SSBP2: variants seen among roughly 807,000 people sequenced by gnomAD.
The protein encoded by SSBP2 is single stranded DNA binding protein 2, also known as single-stranded DNA-binding protein 2.
In SSBP2, 17 loss-of-function variants were observed where a neutral mutation model predicts 61.8. That is an observed-to-expected ratio of 0.28 (90% CI 0.19 to 0.41). SSBP2 has a LOEUF of 0.41. Among genes scored for constraint, SSBP2 ranks in the 10% least tolerant of loss-of-function variants. SSBP2 has a pLI of 1.00. For synonymous variants in SSBP2, 139 were observed against 141.3 expected, an observed-to-expected ratio of 0.98 and a Z score of 0.12; for missense variants, 310 against 458.7, an observed-to-expected ratio of 0.68 and a Z score of 2.96.
In SSBP2 at chr5:81,418,903, T is replaced by C. The variant is rs77349600; in HGVS notation, c.*1601A>G. On this transcript the variant is annotated 3_prime_UTR_variant, in exon 17 of 17. Transcript: ENST00000320672. ...TATAAGCCTAAAGGAAAGAGAAGAT[T>C]CCTCTTACCTGCAATTAAACAATGC... The C allele has an allele frequency of 6.6e-4, 100 of 152,314 alleles. 2 individuals are homozygous for C. Among genetic ancestry groups the C allele is most frequent in the African/African-American group, 2.3e-3 (96 of 41,578 alleles). The allele number at this position is 152,314 out of a possible 1,614,324, so 9.4% of individuals were successfully genotyped here.
At chr5:81,649,547 C>T (rs1007254625) in intron 2 of SSBP2, among the ~76,000 whole-genome samples, 22 of 152,066 alleles carry the variant, frequency 1.4e-4, no homozygotes, top group Non-Finnish European at 2.8e-4. Flanking sequence ...TGCACATTCT[C>T]ACTTAGAAGT....
intron 4 of SSBP2, among the ~76,000 whole-genome samples, chr5:81,592,984 G>A (rs1199414618): frequency 6.6e-6 from 1 of 152,182 alleles, no homozygotes; most frequent in African/African-American, 2.4e-5. Flanking sequence ...GAACAAAGCT[G>A]GACGGAGAAT....
At chr5:81,448,282 G>GT (rs1231852310) in intron 11 of SSBP2, among the ~76,000 whole-genome samples, 1 of 152,108 alleles carries the variant, frequency 6.6e-6, no homozygotes, top group African/African-American at 2.4e-5. Context: ...AAATTCTAAT[G>GT]TGTACTAAAT....
At chr5:81,460,260 G>C (rs904856659) in intron 10 of SSBP2, among the ~76,000 whole-genome samples, 3 of 152,120 alleles carry the variant, frequency 2.0e-5, no homozygotes, top group Non-Finnish European at 4.4e-5. Flanking sequence ...GGGATCACAG[G>C]TTGTATTTCA....
At chr5:81,488,485 C>G (rs1029776106) in intron 6 of SSBP2, among the ~76,000 whole-genome samples, 1 of 151,952 alleles carries the variant, frequency 6.6e-6, no homozygotes, top group Non-Finnish European at 1.5e-5. Context: ...TATTGAGCAC[C>G]TTTTCATACA....
At chr5:81,750,216 G>C (rs1402413254) in intron 1 of SSBP2, among the ~76,000 whole-genome samples, 2 of 150,728 alleles carry the variant, frequency 1.3e-5, no homozygotes, top group Non-Finnish European at 3.0e-5. Context: ...CCCAAACTTC[G>C]GCGGCGTCTC....
At chr5:81,540,407 G>GT (rs1358467198) in intron 4 of SSBP2, among the ~76,000 whole-genome samples, 15 of 152,258 alleles carry the variant, frequency 9.9e-5, no homozygotes, top group African/African-American at 3.4e-4. Flanking sequence ...AGCATCTGTT[G>GT]TTTCCTGACT....
intron 5 of SSBP2, among the ~76,000 whole-genome samples, chr5:81,493,481 C>T (rs58747430): frequency 0.021 from 3,140 of 152,066 alleles, 99 homozygotes; most frequent in African/African-American, 0.069. Context: ...GCAGGCCGGA[C>T]GTGGTGACTC....
chr5:81,687,706 T>C (rs1355333854), intron 1 of SSBP2, among the ~76,000 whole-genome samples: 4 of 152,078 alleles, frequency 2.6e-5, no homozygotes, highest in Non-Finnish European at 5.9e-5. Flanking sequence ...GAAGTTACCA[T>C]TCCAGGCCCT....
chr5:81,470,104 A>AC (rs1765153334), intron 8 of SSBP2, among the ~76,000 whole-genome samples: 2 of 151,726 alleles, frequency 1.3e-5, no homozygotes, highest in African/African-American at 4.8e-5. Context: ...TTGCCACCTC[A>AC]CCATTTTTCC....
In SSBP2 at chr5:81,735,604, C is replaced by A. The variant is rs1009221769; in HGVS notation, c.62+15377G>T. On this transcript the variant is annotated intron_variant, in intron 1 of 16. Coordinates refer to ENST00000320672, the MANE Select transcript of SSBP2 (RefSeq NM_012446.5). Reference sequence around the variant, plus strand: ...AAATCTACACTGATCAGTGAATATGCAACCATCCATTTTTGATTTTCGAAT... The same window carrying A: ...AAATCTACACTGATCAGTGAATATGAAACCATCCATTTTTGATTTTCGAAT... 5.3e-5 allele frequency among the ~76,000 whole-genome samples: 8 copies of A among 152,242 alleles called. No homozygotes were observed. In the East Asian group the frequency reaches 1.5e-3, roughly 29 times the overall value.
At chr5:81,532,841 A>G (rs921786803) in intron 4 of SSBP2, among the ~76,000 whole-genome samples, 3 of 151,976 alleles carry the variant, frequency 2.0e-5, no homozygotes, top group African/African-American at 7.2e-5. Context: ...AAAATGACAA[A>G]ACAATATTAA....
intron 1 of SSBP2, 81 bp downstream of exon 1, chr5:81,750,898 CTG>C (rs1757723802): frequency 2.8e-6 from 4 of 1,417,798 alleles, no homozygotes. Flanking sequence ...CGGAGAGTGT[CTG>C]TGTCTCCCAG....
chr5:81,646,869 G>A (rs1190801097), intron 2 of SSBP2, among the ~76,000 whole-genome samples: 2 of 151,852 alleles, frequency 1.3e-5, no homozygotes, highest in East Asian at 3.9e-4. Context: ...CTTCTAAGGT[G>A]GAGAGGGGAG....
chr5:81,574,271 C>T (rs1171892760), intron 4 of SSBP2, among the ~76,000 whole-genome samples: 2 of 151,456 alleles, frequency 1.3e-5, no homozygotes, highest in African/African-American at 4.9e-5. Context: ...GACTAAAAAA[C>T]ACAATCACCA....
intron 15 of SSBP2, 25 bp downstream of exon 15, chr5:81,437,405 A>G: frequency 1.9e-6 from 3 of 1,589,896 alleles, no homozygotes; most frequent in Non-Finnish European, 2.6e-6. Context: ...CTGATTAAAA[A>G]CAACACAGAA....
chr5:81,692,729 C>T (rs980382791), intron 1 of SSBP2, among the ~76,000 whole-genome samples: 1 of 152,036 alleles, frequency 6.6e-6, no homozygotes, highest in South Asian at 2.1e-4. Flanking sequence ...TCATTTTTGA[C>T]AAAGATGTCA....
chr5:81,466,905 T>C (rs965977902), intron 9 of SSBP2, 69 bp downstream of exon 9: 2 of 956,640 alleles, frequency 2.1e-6, no homozygotes, highest in Admixed American at 2.7e-5. Context: ...AATAGAATAA[T>C]ATGGTATTAT....
At chr5:81,605,085 A>G (rs1246649227) in intron 4 of SSBP2, among the ~76,000 whole-genome samples, 1 of 152,112 alleles carries the variant, frequency 6.6e-6, no homozygotes, top group Admixed American at 6.6e-5. Flanking sequence ...TAGAATATCT[A>G]AACTACAAAA....
Sources: allele counts gnomAD v4.1 joint callset (sites outside exome capture counted in the v4.1 genomes callset), GRCh38; gene constraint gnomAD v4.1.1; transcripts MANE v1.5; gene names NCBI Gene and HGNC (gene_info 2026-07-23, HGNC 2026-07-21).